CPNE5: variants seen among roughly 807,000 people sequenced by gnomAD.
CPNE5 encodes the protein copine-5.
Under a neutral mutation model 81.1 loss-of-function variants are expected in CPNE5, and 42 were observed. The observed-to-expected ratio is 0.52, with a 90% CI of 0.40 to 0.67. CPNE5 has a LOEUF of 0.67. Ranked by LOEUF, CPNE5 falls within the 30% of genes least tolerant of loss-of-function variation. The pLI, the probability that CPNE5 is intolerant of heterozygous loss-of-function variation, is 0.00. For missense variants in CPNE5, 612 were observed against 815.5 expected (o/e 0.75, Z 3.04); for synonymous variants, 313 against 321.5 (o/e 0.97, Z 0.28).
intron 14 of CPNE5, among the ~76,000 whole-genome samples, chr6:36,749,583 T>C (rs777430728): frequency 6.6e-6 from 1 of 151,650 alleles, no homozygotes; most frequent in Non-Finnish European, 1.5e-5. Flanking sequence ...AAATTGGATA[T>C]TGGGAGCCTG....
intron 14 of CPNE5, among the ~76,000 whole-genome samples, chr6:36,752,215 G>C (rs2150379444): frequency 6.6e-6 from 1 of 152,260 alleles, no homozygotes; most frequent in Middle Eastern, 3.4e-3. Context: ...CTCCTTTCCA[G>C]ACAGGTGCAG....
chr6:36,762,300 A>G (rs1221839171), intron 12 of CPNE5, among the ~76,000 whole-genome samples: 2 of 141,098 alleles, frequency 1.4e-5, no homozygotes, highest in African/African-American at 5.4e-5. Context: ...ACACACACAT[A>G]CATGCACACA....
In CPNE5 at chr6:36,799,081, C is replaced by T. The variant is rs894298388; in HGVS notation, c.288-587G>A. 5.3e-5 allele frequency among the ~76,000 whole-genome samples: 8 copies of T among 152,102 alleles called. No individual in the cohort carries two copies. In the East Asian group the frequency reaches 7.7e-4, roughly 15 times the overall value. ...CTCCCCTCACCTGGGGCCTGCTCAC[C>T]GGGGGCCTGATCACCTGGAGCCTCA... is the stretch of plus-strand genomic sequence containing the variant. On this transcript the variant is annotated intron_variant, in intron 4 of 20. Transcript: ENST00000244751.
chr6:36,803,198 C>T (rs1770282950), intron 3 of CPNE5, among the ~76,000 whole-genome samples: 1 of 152,130 alleles, frequency 6.6e-6, no homozygotes, highest in Non-Finnish European at 1.5e-5. Context: ...TTTGCTGTGG[C>T]CTTGGTCTGG....
At position 36,780,399 on chromosome 6, in the gene CPNE5, G is replaced by A. The variant is rs558579830; in HGVS notation, c.529-1442C>T. 6.6e-4 allele frequency among the ~76,000 whole-genome samples: 101 copies of A among 152,264 alleles called. 5 individuals carry two copies. Among genetic ancestry groups the A allele is most frequent in the African/African-American group, 5.5e-4 (23 of 41,542 alleles). ...AGTGACAAGGTTCAGCGGTGGCTAC[G>A]GTGGTTAGGAATACGGCTGCTGGAG... On this transcript the variant is annotated intron_variant, in intron 8 of 20. Transcript: ENST00000244751.
Position 36,742,273 on chromosome 6 carries a change from T to A in CPNE5, c.1777A>T (p.Ile593Phe), listed in dbSNP as rs764368666. The A allele has an allele frequency of 1.3e-6, 2 of 1,581,156 alleles. No homozygotes were observed. The highest frequency in any genetic ancestry group is 2.3e-5 in the South Asian group (2 of 87,982). The change falls in exon 21 of 21, where the codon ATC (isoleucine) becomes TTC (phenylalanine). Residue 593 changes from isoleucine to phenylalanine, a missense_variant. Ile to Phe is a conservative substitution (Grantham distance 21). Transcript: ENST00000244751. ...CCTGCCTGCTGAGACCAGGTTCAGA[T>A]GTGCGTGTGCAGGGGGGACGCAGGG... ...TPPASPLHTH[I>F]
Position 36,746,632 on chromosome 6 carries a change from G to T in CPNE5, c.1019-55C>A. The T allele has an allele frequency of 6.5e-7, 1 of 1,527,962 alleles. No individual in the cohort carries two copies. The highest frequency in any genetic ancestry group is 8.8e-7 in the Non-Finnish European group (1 of 1,133,370). 94.7% of individuals were successfully genotyped at this position (1,527,962 alleles called of 1,614,324 possible). On this transcript the variant is annotated intron_variant, in intron 15 of 20. Transcript: ENST00000244751. The surrounding 1 kb of genome is among the most constrained non-coding windows in gnomAD (Gnocchi z 4.5). The stretch of plus-strand genomic sequence containing the variant: ...CATCTGGACCCTCCAAGTCACCCCG[G>T]GTTCAGAATGAAGAAGGGGGTGTCC...
chr6:36,800,299 T>A (rs1020434054), intron 3 of CPNE5, among the ~76,000 whole-genome samples: 1 of 152,168 alleles, frequency 6.6e-6, no homozygotes, highest in Non-Finnish European at 1.5e-5. Context: ...CTTCTTCCCA[T>A]CTCCATGCAA....
At chr6:36,751,486 A>C (rs529836127) in intron 14 of CPNE5, among the ~76,000 whole-genome samples, 9 of 152,292 alleles carry the variant, frequency 5.9e-5, no homozygotes, top group Admixed American at 5.2e-4. Context: ...GTACTATGCA[A>C]ATGAAAAAAA....
At chr6:36,808,546 G>A (rs1388411183) in intron 3 of CPNE5, among the ~76,000 whole-genome samples, 2 of 152,074 alleles carry the variant, frequency 1.3e-5, no homozygotes, top group African/African-American at 4.8e-5. Flanking sequence ...CCAGGGCCAG[G>A]GAGGGCCCAG....
intron 8 of CPNE5, among the ~76,000 whole-genome samples, chr6:36,779,974 T>G (rs1261946053): frequency 6.6e-6 from 1 of 151,552 alleles, no homozygotes; most frequent in African/African-American, 2.4e-5. Flanking sequence ...TCCTATTTTT[T>G]TTTTTTTTTG....
chr6:36,812,537 T>C (rs959502503), intron 3 of CPNE5, among the ~76,000 whole-genome samples: 1 of 152,078 alleles, frequency 6.6e-6, no homozygotes, highest in Non-Finnish European at 1.5e-5. Flanking sequence ...TGAAAAAAAC[T>C]AAGGCTCAGA....
At chr6:36,745,247 C>T (rs1764014354) in intron 17 of CPNE5, 97 bp from the exon 18 acceptor site, 7 of 1,424,436 alleles carry the variant, frequency 4.9e-6, no homozygotes, top group Non-Finnish European at 5.8e-6. Context: ...GGTGACAGCT[C>T]TTGGGGGAAT....
At chr6:36,823,590 A>C (rs1179609170) in intron 1 of CPNE5, among the ~76,000 whole-genome samples, 3 of 151,094 alleles carry the variant, frequency 2.0e-5, no homozygotes, top group African/African-American at 7.4e-5. Context: ...TACACCTCCC[A>C]GGGGAAGCCG....
intron 18 of CPNE5, among the ~76,000 whole-genome samples, chr6:36,744,694 G>A (rs1405088896): frequency 1.3e-5 from 2 of 152,216 alleles, no homozygotes; most frequent in Non-Finnish European, 2.9e-5. Flanking sequence ...GGCTGGCCTG[G>A]GAAAGGGGGA....
chr6:36,792,003 C>G, intron 8 of CPNE5, 30 bp downstream of exon 8: 1 of 1,603,032 alleles, frequency 6.2e-7, no homozygotes, highest in Non-Finnish European at 8.5e-7. Flanking sequence ...ACCCCAACCA[C>G]GTCCTGTGCT....
chr6:36,798,956 CTGCCCAGCT>C (rs1769852032), intron 4 of CPNE5, among the ~76,000 whole-genome samples: 1 of 152,142 alleles, frequency 6.6e-6, no homozygotes, highest in Admixed American at 6.5e-5. Flanking sequence ...CTACCCAGGC[CTGCCCAGCT>C]TGCCCACAGG....
At chr6:36,792,405 TC>T (rs1445524820) in intron 7 of CPNE5, 1 of 1,434,656 alleles carries the variant, frequency 7.0e-7, no homozygotes, top group Non-Finnish European at 9.2e-7. Context: ...CCCGGAGGCT[TC>T]CAGACCAGTG....
chr6:36,778,527 G>A (rs1767746812), intron 9 of CPNE5, among the ~76,000 whole-genome samples: 1 of 152,152 alleles, frequency 6.6e-6, no homozygotes, highest in Non-Finnish European at 1.5e-5. Context: ...TTTCCCATGA[G>A]GGACTGGCCC....
Sources: gnomAD v4.1 joint callset for allele counts (sites outside exome capture counted in the v4.1 genomes callset) on GRCh38, gnomAD v4.1.1 for gene constraint, Gnocchi (gnomAD v3.1) non-coding constraint, MANE v1.5 for transcripts, NCBI Gene and HGNC (gene_info 2026-07-23, HGNC 2026-07-21) for gene names.